IL1RAPL1: variants seen among roughly 807,000 people sequenced by gnomAD.
The protein encoded by IL1RAPL1 is interleukin 1 receptor accessory protein like 1.
A neutral mutation model predicts 48.4 loss-of-function variants in IL1RAPL1; 3 were observed. That is an observed-to-expected ratio of 0.06 (90% CI 0.03 to 0.16). IL1RAPL1 has a LOEUF of 0.16. Ranked by LOEUF, IL1RAPL1 falls within the 10% of genes least tolerant of loss-of-function variation. IL1RAPL1 has a pLI of 1.00. For missense variants in IL1RAPL1, 349 were observed against 530.6 expected, an observed-to-expected ratio of 0.66 and a Z score of 3.36; for synonymous variants, 185 against 187.7, an observed-to-expected ratio of 0.99 and a Z score of 0.12.
intron 2 of IL1RAPL1, among the ~76,000 whole-genome samples, chrX:29,020,954 G>A (rs940809990): frequency 9.0e-6 from 1 of 110,567 alleles, no homozygotes; most frequent in African/African-American, 3.3e-5. Flanking sequence ...GGCCAGGTGC[G>A]GTGGCTCACG....
chrX:29,588,499 T>C (rs772069543), intron 5 of IL1RAPL1, among the ~76,000 whole-genome samples: 3 of 112,514 alleles, frequency 2.7e-5, no homozygotes, highest in Non-Finnish European at 5.6e-5. Flanking sequence ...TTAAGTTGTT[T>C]TGCATTATCA....
intron 2 of IL1RAPL1, among the ~76,000 whole-genome samples, chrX:29,217,115 A>G (rs1281245792): frequency 1.8e-5 from 2 of 112,147 alleles, no homozygotes; most frequent in Non-Finnish European, 1.9e-5. Context: ...AAGCCTTAGA[A>G]TTTGTCACAC....
intron 6 of IL1RAPL1, among the ~76,000 whole-genome samples, chrX:29,873,077 A>C (rs1432127641): frequency 9.0e-6 from 1 of 111,694 alleles, no homozygotes; most frequent in Non-Finnish European, 1.9e-5. Context: ...AGCAGTTGAC[A>C]GGCTGTGCAA....
chrX:29,886,489 C>G (rs899927594), intron 6 of IL1RAPL1, among the ~76,000 whole-genome samples: 1 of 111,666 alleles, frequency 9.0e-6, no homozygotes, highest in African/African-American at 3.3e-5. Flanking sequence ...TAGAAGTTCC[C>G]CTTAGGCATT....
At chrX:29,013,594 A>C (rs889950324) in intron 2 of IL1RAPL1, among the ~76,000 whole-genome samples, 3 of 111,962 alleles carry the variant, frequency 2.7e-5, no homozygotes, top group Non-Finnish European at 5.6e-5. Flanking sequence ...CATTATCCTC[A>C]GCAAACTAAT....
At chrX:29,353,859 G>A (rs1341808287) in intron 3 of IL1RAPL1, among the ~76,000 whole-genome samples, 3 of 99,241 alleles carry the variant, frequency 3.0e-5, no homozygotes, top group Non-Finnish European at 6.0e-5. Context: ...AATTTGCTTA[G>A]CCACGATTCA....
intron 2 of IL1RAPL1, among the ~76,000 whole-genome samples, chrX:29,187,397 C>A (rs778323458): frequency 9.0e-6 from 1 of 111,398 alleles, no homozygotes; most frequent in Non-Finnish European, 1.9e-5. Context: ...GGGACAGAGG[C>A]AAATGGCCTT....
intron 6 of IL1RAPL1, among the ~76,000 whole-genome samples, chrX:29,840,523 A>AT (rs1931115525): frequency 8.9e-6 from 1 of 112,291 alleles, no homozygotes; most frequent in Admixed American, 9.5e-5. Flanking sequence ...TGAAATAAAA[A>AT]ATATATTTCA....
At chrX:29,888,279 A>G (rs991759911) in intron 6 of IL1RAPL1, among the ~76,000 whole-genome samples, 1 of 107,580 alleles carries the variant, frequency 9.3e-6, no homozygotes, top group Non-Finnish European at 1.9e-5. Flanking sequence ...GCTGGAGTGC[A>G]GTGGCATGAT....
intron 5 of IL1RAPL1, among the ~76,000 whole-genome samples, chrX:29,442,829 A>G (rs1204925392): frequency 9.3e-6 from 1 of 106,965 alleles, no homozygotes; most frequent in Non-Finnish European, 1.9e-5. Context: ...CTGCAGTCCA[A>G]CCTGGGCATC....
intron 6 of IL1RAPL1, among the ~76,000 whole-genome samples, chrX:29,887,284 T>C (rs1932185901): frequency 8.9e-6 from 1 of 112,379 alleles, no homozygotes; most frequent in African/African-American, 3.2e-5. Context: ...ATTTTTAACA[T>C]TGTTCAACTG....
intron 3 of IL1RAPL1, among the ~76,000 whole-genome samples, chrX:29,311,097 G>A (rs909601036): frequency 1.8e-5 from 2 of 111,856 alleles, no homozygotes; most frequent in East Asian, 5.6e-4. Flanking sequence ...GCAGTATACA[G>A]TGGTTTTAAA....
Position 28,833,758 on chromosome X carries a change from T to C in IL1RAPL1, c.82+44333T>C, listed in dbSNP as rs1431655309. 3.6e-5 allele frequency among the ~76,000 whole-genome samples: 4 copies of C among 112,060 alleles called. 1 individual carries two copies. The highest frequency in any genetic ancestry group is 8.4e-3 in the Middle Eastern group (2 of 238). ...ATGTAACATAATAAGGGATAGCAGA[T>C]GAATGGACATAAAAAGCAATTGGGC... On this transcript the variant is annotated intron_variant, in intron 2 of 10. Transcript: ENST00000378993.
At chrX:29,544,751 ATG>A (rs1921556808) in intron 5 of IL1RAPL1, among the ~76,000 whole-genome samples, 1 of 97,432 alleles carries the variant, frequency 1.0e-5, no homozygotes, top group African/African-American at 3.8e-5. Context: ...GTGTGTGTGT[ATG>A]TGTGTGTGTT....
chrX:28,936,077 G>A (rs181257340), intron 2 of IL1RAPL1, among the ~76,000 whole-genome samples: 1 of 111,630 alleles, frequency 9.0e-6, no homozygotes, highest in East Asian at 2.8e-4. Context: ...AACAAACCCT[G>A]TAACCACTGA....
intron 3 of IL1RAPL1, among the ~76,000 whole-genome samples, chrX:29,288,225 G>A (rs1290936064): frequency 1.8e-5 from 2 of 110,685 alleles, no homozygotes; most frequent in African/African-American, 3.3e-5. Context: ...TGCCATGGTG[G>A]TTTGCTGCAC....
rs192412058 is a variant in IL1RAPL1 at position 28,880,190 on chromosome X, A to G, written c.82+90765A>G. ...TGTTTGAATTTAAAAAGCAATGGAA[A>G]TTAAAATGTGACTAGGACTTTAAGC... is the stretch of plus-strand genomic sequence containing the variant. On this transcript the variant is annotated intron_variant, in intron 2 of 10. Transcript: ENST00000378993. Among the ~76,000 whole-genome samples, 9 of 112,866 alleles carry G rather than the reference A, an allele frequency of 8.0e-5. No individual in the cohort carries two copies. In the East Asian group the frequency reaches 2.5e-3, roughly 31 times the overall value.
chrX:28,974,254 G>T lies in IL1RAPL1; in HGVS notation c.82+184829G>T, dbSNP rs1041173447. Among the ~76,000 whole-genome samples, 3 of 111,680 alleles carry T rather than the reference G, an allele frequency of 2.7e-5. No individual in the cohort carries two copies. In the East Asian group the frequency reaches 8.4e-4, roughly 31 times the overall value. On this transcript the variant is annotated intron_variant, in intron 2 of 10. Coordinates refer to ENST00000378993, the MANE Select transcript of IL1RAPL1 (RefSeq NM_014271.4). Reference sequence around the variant, plus strand: ...TGACATATGAAAAATGTAAATAATAGTATTTCCCATATAGGTATTTGGTGA... The same window carrying T: ...TGACATATGAAAAATGTAAATAATATTATTTCCCATATAGGTATTTGGTGA...
rs772419844 is a variant in IL1RAPL1 at position 28,945,899 on chromosome X, A to G, written c.82+156474A>G. The stretch of plus-strand genomic sequence containing the variant: ...GTTATATATGTATGTATATATATAT[A>G]TATATGTGTGTGTGTGTGTGTGTGT... On this transcript the variant is annotated intron_variant, in intron 2 of 10. Coordinates refer to ENST00000378993, the MANE Select transcript of IL1RAPL1 (RefSeq NM_014271.4). Among the ~76,000 whole-genome samples the G allele has an allele frequency of 1.6e-3, 150 of 94,774 alleles. 1 individual carries two copies. Among genetic ancestry groups the G allele is most frequent in the Middle Eastern group, 0.011 (2 of 179 alleles). 82.3% of individuals were successfully genotyped at this position (94,774 alleles called of 115,157 possible). A position where few individuals can be genotyped will look rare whatever the true frequency, so the allele number is the denominator to read the frequency against.
Sources: allele counts gnomAD v4.1 joint callset (sites outside exome capture counted in the v4.1 genomes callset), GRCh38; gene constraint gnomAD v4.1.1; transcripts MANE v1.5; gene names NCBI Gene and HGNC (gene_info 2026-07-23, HGNC 2026-07-21).